KTN1: variants seen among roughly 807,000 people sequenced by gnomAD.
The protein encoded by KTN1 is kinectin.
In KTN1, 130 loss-of-function variants were observed where a neutral mutation model predicts 222.5. That is an observed-to-expected ratio of 0.58 (90% CI 0.51 to 0.68). The LOEUF (loss-of-function observed/expected upper bound fraction) is 0.68, where lower values mean the gene tolerates loss of function less well. KTN1 is among the 30% of genes least tolerant of loss of function. The pLI is 0.00. For synonymous variants in KTN1, 512 were observed against 496.3 expected (o/e 1.03, Z -0.42); for missense variants, 1,508 against 1,500.4 (o/e 1.01, Z -0.08).
At chr14:55,625,986 A>G (rs79262019) in intron 5 of KTN1, among the ~76,000 whole-genome samples, 11,741 of 152,106 alleles carry the variant, frequency 0.077, 505 homozygotes, top group South Asian at 0.12. Flanking sequence ...AAGGGATTCA[A>G]TTTCTTTGGC....
At chr14:55,608,278 A>G (rs933280565) in intron 1 of KTN1, among the ~76,000 whole-genome samples, 1 of 152,116 alleles carries the variant, frequency 6.6e-6, no homozygotes. Flanking sequence ...AATTTGAGGT[A>G]TATTTATTGG....
At chr14:55,656,187 TTAAAA>T (rs2043449957) in intron 29 of KTN1, 55 bp downstream of exon 29, 1 of 1,243,580 alleles carries the variant, frequency 8.0e-7, no homozygotes, top group Admixed American at 2.0e-5. Flanking sequence ...TTTGCATGCT[TTAAAA>T]TAATTTTTAA....
At chr14:55,609,305 C>G (rs1765542542) in intron 1 of KTN1, among the ~76,000 whole-genome samples, 1 of 152,186 alleles carries the variant, frequency 6.6e-6, no homozygotes, top group African/African-American at 2.4e-5. Flanking sequence ...CCACCTTCAT[C>G]CATGTCCCTG....
At chr14:55,675,736 A>T (rs2045836846) in intron 40 of KTN1, 99 bp from the exon 41 acceptor site, 9 of 749,602 alleles carry the variant, frequency 1.2e-5, no homozygotes, top group Middle Eastern at 6.3e-4. Flanking sequence ...GTACATAATA[A>T]CTGTTAGCAG....
rs1315074763 is a variant in KTN1 at position 55,672,629 on chromosome 14, G to C, written c.3532-1G>C. ...GGCCATGTAATTGTTTCACATTTCA[G>C]ATGCAGTCATCATTTACATCTTCAG... On this transcript the variant is annotated splice_acceptor_variant, in intron 37 of 43. Transcript: ENST00000395314. LOFTEE classifies it high-confidence loss of function. 1 of 1,597,002 alleles carries C rather than the reference G, an allele frequency of 6.3e-7. No homozygotes were observed. Among genetic ancestry groups the C allele is most frequent in the Non-Finnish European group, 8.6e-7 (1 of 1,165,122 alleles).
chr14:55,635,522 A>G (rs2041022111), intron 9 of KTN1, among the ~76,000 whole-genome samples: 1 of 152,206 alleles, frequency 6.6e-6, no homozygotes, highest in Non-Finnish European at 1.5e-5. Context: ...AAAGTCACAT[A>G]CTGTATCTTT....
chr14:55,680,587 T>C (rs1315694489), intron 43 of KTN1: 1 of 582,186 alleles, frequency 1.7e-6, no homozygotes, highest in Non-Finnish European at 3.3e-6. Flanking sequence ...GATAATACTG[T>C]GTTGGGCTAT....
intron 5 of KTN1, among the ~76,000 whole-genome samples, chr14:55,623,645 A>G (rs949627818): frequency 1.3e-5 from 2 of 152,248 alleles, no homozygotes; most frequent in African/African-American, 4.8e-5. Context: ...TGCTAGGATT[A>G]CAGGTGTGAG....
chr14:55,637,858 T>C lies in KTN1; in HGVS notation c.1785+11T>C. The C allele has an allele frequency of 1.2e-6, 2 of 1,602,104 alleles. No individual in the cohort carries two copies. The highest frequency in any genetic ancestry group is 2.2e-5 in the South Asian group (2 of 90,132). ...CAGATAGCAGCCCAGGTAATGATGC[T>C]TTCTTATTGCTTATGATTAATAACT... On this transcript the variant is annotated intron_variant, in intron 12 of 43. Transcript: ENST00000395314.
At position 55,612,554 on chromosome 14, in the gene KTN1, A is replaced by C. The variant is rs769849538; in HGVS notation, c.506A>C (p.Lys169Thr). ...TCGAAGAAGAAACCAGGGCAGAAGA[A>C]GTCTAAAAATGGAAGCGGTATTGTA... ...AASKKKPGQKKSKNGSDDQDK... is the reference protein window; with the variant it reads ...AASKKKPGQKTSKNGSDDQDK... The change falls in exon 2 of 44, where the codon AAG (lysine) becomes ACG (threonine). Residue 169 changes from lysine (K) to threonine (T), a missense_variant. Transcript: ENST00000395314. 2 of 1,582,414 alleles carry C rather than the reference A, an allele frequency of 1.3e-6. No homozygotes were observed. Among genetic ancestry groups the C allele is most frequent in the Non-Finnish European group, 1.7e-6 (2 of 1,171,588 alleles).
Position 55,618,105 on chromosome 14 carries a change from C to T in KTN1, c.803C>T (p.Thr268Ile), listed in dbSNP as rs763897315. 5.3e-5 allele frequency: 86 copies of T among 1,611,614 alleles called. No homozygotes were observed. The highest frequency in any genetic ancestry group is 7.0e-5 in the Non-Finnish European group (83 of 1,179,070). Residue 268 changes from threonine to isoleucine, a missense_variant, in exon 4 of 44, where the codon ACT (threonine) becomes ATT (isoleucine). Thr to Ile is a moderately conservative substitution (Grantham distance 89, BLOSUM62 -1). Transcript: ENST00000395314. ...DQVEGIQKSGTKKLKTETDKE... is the reference protein window; with the variant it reads ...DQVEGIQKSGIKKLKTETDKE... The stretch of plus-strand genomic sequence containing the variant: ...GTAGAAGGGATCCAGAAATCTGGGA[C>T]TAAAAAACTGAAGACCGAAACTGAC...
In KTN1 at chr14:55,630,089, C is replaced by A; in HGVS notation, c.1213C>A (p.Gln405Lys). Residue 405 changes from glutamine to lysine, a missense_variant, in exon 7 of 44, where the codon CAG (glutamine) becomes AAG (lysine). Gln to Lys is a moderately conservative substitution (Grantham distance 53). Transcript: ENST00000395314. ...HVSYQETQQM[Q>K]MKFQQVREQM... ...CAGTTATCAAGAGACTCAACAGATG[C>A]AGATGAAGGTATATTTTCATTCTTT... 1 of 1,609,756 alleles carries A rather than the reference C, an allele frequency of 6.2e-7. No individual in the cohort carries two copies. Among genetic ancestry groups the A allele is most frequent in the Non-Finnish European group, 8.5e-7 (1 of 1,177,482 alleles).
intron 1 of KTN1, among the ~76,000 whole-genome samples, chr14:55,597,301 A>G (rs991466230): frequency 6.6e-6 from 1 of 152,204 alleles, no homozygotes; most frequent in Non-Finnish European, 1.5e-5. Flanking sequence ...TTCTTAAGCC[A>G]TAGTTCTTAA....
rs763656412 is a variant in KTN1 at position 55,659,680 on chromosome 14, C to T, written c.2976C>T (p.Pro992=). The change falls in exon 31 of 44, where the codon CCC becomes CCT. Residue 992 remains proline, a synonymous_variant. Coordinates refer to ENST00000395314, the MANE Select transcript of KTN1 (RefSeq NM_001079521.2). ...TCTTTTGATAGGCATCTTCTTTTCCCCCTCATGAAGAATTATTAAAAGTGT... is the reference window on the plus strand; with the variant it reads ...TCTTTTGATAGGCATCTTCTTTTCCTCCTCATGAAGAATTATTAAAAGTGT... ...QQNYQQASSF[P]PHEELLKVIS... 22 of 1,501,680 alleles carry T rather than the reference C, an allele frequency of 1.5e-5. No homozygotes were observed. The highest frequency in any genetic ancestry group is 2.0e-5 in the Non-Finnish European group (22 of 1,079,624). The allele number at this position is 1,501,680 out of a possible 1,614,324, so 93.0% of individuals were successfully genotyped here. A position where few individuals can be genotyped will look rare whatever the true frequency, so the allele number is the denominator to read the frequency against.
intron 1 of KTN1, among the ~76,000 whole-genome samples, chr14:55,592,437 A>G (rs2034309069): frequency 6.6e-6 from 1 of 152,240 alleles, no homozygotes; most frequent in African/African-American, 2.4e-5. Flanking sequence ...TAAGAAAATA[A>G]TTGCAGTTGA....
In KTN1 at chr14:55,629,453, G is replaced by GAGGATGATA. The variant is rs1295189507; in HGVS notation, c.1081-503_1081-502insGGATGATAA. On this transcript the variant is annotated intron_variant, in intron 6 of 43. Coordinates refer to ENST00000395314, the MANE Select transcript of KTN1 (RefSeq NM_001079521.2). The stretch of plus-strand genomic sequence containing the variant: ...AAAAAAAAAAAAAGATTTGACTTAG[G>GAGGATGATA]AAGATGATAAAACTTTGCTTTCTGA... Among the ~76,000 whole-genome samples the GAGGATGATA allele has an allele frequency of 2.3e-3, 347 of 150,648 alleles. 2 individuals carry two copies. The highest frequency in any genetic ancestry group is 8.2e-3 in the African/African-American group (337 of 41,118).
At chr14:55,619,521 A>G (rs1012207787) in intron 5 of KTN1, among the ~76,000 whole-genome samples, 1 of 152,212 alleles carries the variant, frequency 6.6e-6, no homozygotes, top group Non-Finnish European at 1.5e-5. Flanking sequence ...TAATTTATAA[A>G]GAAAAAGAGT....
rs906613263 is a variant in KTN1, at chr14:55,586,897, C to T, written c.-31+6543C>T. On this transcript the variant is annotated intron_variant, in intron 1 of 43. Coordinates refer to ENST00000395314, the MANE Select transcript of KTN1 (RefSeq NM_001079521.2). ...TCCTGCATATGTTCATTATAAGTTA[C>T]TCTTGTGTGATCTTATAGACATTTC... is the stretch of plus-strand genomic sequence containing the variant. 2.6e-5 allele frequency among the ~76,000 whole-genome samples: 4 copies of T among 152,192 alleles called. No individual in the cohort carries two copies. The South Asian group carries it at 8.3e-4, about 32-fold the overall frequency.
intron 32 of KTN1, chr14:55,663,098 A>G: frequency 1.8e-5 from 7 of 398,560 alleles, no homozygotes; most frequent in South Asian, 9.2e-5. Flanking sequence ...GAATGGGAAT[A>G]AATACCTCAT....
Sources: allele counts gnomAD v4.1 joint callset (sites outside exome capture counted in the v4.1 genomes callset), GRCh38; gene constraint gnomAD v4.1.1; transcripts MANE v1.5; gene names NCBI Gene and HGNC (gene_info 2026-07-23, HGNC 2026-07-21).